Variants in TMEM132D observed in about 807,000 individuals in gnomAD.
TMEM132D encodes the protein mature OL transmembrane protein.
TMEM132D carries 21 observed loss-of-function variants against 62.3 expected under a neutral mutation model. The observed-to-expected ratio is 0.34, with a 90% CI of 0.24 to 0.49. TMEM132D has a LOEUF of 0.49. Ranked by LOEUF, TMEM132D falls within the 20% of genes least tolerant of loss-of-function variation. The pLI, the probability that TMEM132D is intolerant of heterozygous loss-of-function variation, is 0.99. For synonymous variants in TMEM132D, 621 were observed against 575.6 expected (o/e 1.08, Z -1.13); for missense variants, 1,346 against 1,402.8 (o/e 0.96, Z 0.65).
intron 5 of TMEM132D, among the ~76,000 whole-genome samples, chr12:129,205,659 A>C (rs1039377003): frequency 6.6e-6 from 1 of 152,138 alleles, no homozygotes; most frequent in Non-Finnish European, 1.5e-5. Context: ...CACTTCACCA[A>C]ATGAACCTCA....
At chr12:129,790,552 C>T (rs1161771600) in intron 1 of TMEM132D, among the ~76,000 whole-genome samples, 6 of 152,178 alleles carry the variant, frequency 3.9e-5, no homozygotes, top group Non-Finnish European at 8.8e-5. Context: ...TGCTTATCTC[C>T]GATGTCCAGC....
Position 129,796,549 on chromosome 12 carries a change from A to AC in TMEM132D, c.80-95852_80-95851insG, listed in dbSNP as rs551316218. On this transcript the variant is annotated intron_variant, in intron 1 of 8. Coordinates refer to ENST00000422113, the MANE Select transcript of TMEM132D (RefSeq NM_133448.3). ...AATCCATGGAATACTAGGCAGCCAC[A>AC]AAAAAAAGAAAGAGTTCATGTCCTT... 5.2e-4 allele frequency among the ~76,000 whole-genome samples: 79 copies of AC among 151,696 alleles called. 1 individual carries two copies. The South Asian group carries it at 0.016, about 31-fold the overall frequency.
At chr12:129,884,745 C>T (rs1478549416) in intron 1 of TMEM132D, among the ~76,000 whole-genome samples, 1 of 152,228 alleles carries the variant, frequency 6.6e-6, no homozygotes, top group South Asian at 2.1e-4. Context: ...TCTCATGTGA[C>T]CCCAGCAATG....
chr12:129,176,343 A>G (rs1877905709), intron 5 of TMEM132D, among the ~76,000 whole-genome samples: 1 of 152,236 alleles, frequency 6.6e-6, no homozygotes, highest in Non-Finnish European at 1.5e-5. Flanking sequence ...AAATTTACAT[A>G]CAGTGTGACT....
In TMEM132D at chr12:129,188,456, G is replaced by A. The variant is rs1878280073; in HGVS notation, c.1443+21064C>T. On this transcript the variant is annotated intron_variant, in intron 5 of 8. Transcript: ENST00000422113. ...TGCTCACTCTTTCAAGCCATCAGAG[G>A]TTGTGAGTTTTGTTATGTAGCATTA... Among the ~76,000 whole-genome samples the A allele has an allele frequency of 2.0e-5, 3 of 152,318 alleles. No individual in the cohort carries two copies. In the South Asian group the frequency reaches 6.2e-4, roughly 32 times the overall value.
At chr12:129,341,301 T>G (rs894044792) in intron 3 of TMEM132D, among the ~76,000 whole-genome samples, 2 of 152,260 alleles carry the variant, frequency 1.3e-5, no homozygotes, top group African/African-American at 4.8e-5. Flanking sequence ...GAAGGGAATC[T>G]GATGTATTGT....
intron 1 of TMEM132D, among the ~76,000 whole-genome samples, chr12:129,705,992 ATAACT>A (rs1443236951): frequency 6.6e-5 from 10 of 152,122 alleles, no homozygotes; most frequent in African/African-American, 2.2e-4. Context: ...TACTTTTCTG[ATAACT>A]TAAATTTTGG....
intron 5 of TMEM132D, among the ~76,000 whole-genome samples, chr12:129,109,187 C>G (rs1165536612): frequency 6.6e-6 from 1 of 152,174 alleles, no homozygotes; most frequent in Non-Finnish European, 1.5e-5. Flanking sequence ...GGAAGAGACC[C>G]CAGGCCCGAA....
chr12:129,505,620 A>G (rs1453895005), intron 3 of TMEM132D, among the ~76,000 whole-genome samples: 2 of 152,078 alleles, frequency 1.3e-5, no homozygotes, highest in Non-Finnish European at 2.9e-5. Context: ...TCAGTGGAGT[A>G]TTGAAGTCCC....
intron 5 of TMEM132D, among the ~76,000 whole-genome samples, chr12:129,090,952 C>T (rs1044705908): frequency 5.3e-5 from 8 of 152,070 alleles, no homozygotes; most frequent in Admixed American, 2.6e-4. Context: ...ATGTTTCTCT[C>T]GGGTCATGTC....
At chr12:129,573,905 G>T (rs1877586571) in intron 2 of TMEM132D, among the ~76,000 whole-genome samples, 1 of 151,548 alleles carries the variant, frequency 6.6e-6, no homozygotes, top group Non-Finnish European at 1.5e-5. Context: ...ACTCTAGGAT[G>T]GAAAAAAAAA....
intron 5 of TMEM132D, among the ~76,000 whole-genome samples, chr12:129,151,730 G>A (rs925373416): frequency 1.3e-5 from 2 of 152,132 alleles, no homozygotes; most frequent in African/African-American, 4.8e-5. Flanking sequence ...GAAGAGCAGA[G>A]GGCTTTCCAG....
chr12:129,844,898 A>ACC (rs1325712900), intron 1 of TMEM132D, among the ~76,000 whole-genome samples: 1 of 152,130 alleles, frequency 6.6e-6, no homozygotes, highest in African/African-American at 2.4e-5. Flanking sequence ...GGATAGAGTC[A>ACC]CCTATTCATG....
Position 129,165,683 on chromosome 12 carries a change from T to C in TMEM132D, c.1443+43837A>G, listed in dbSNP as rs1565983706. On this transcript the variant is annotated intron_variant, in intron 5 of 8. Coordinates refer to ENST00000422113, the MANE Select transcript of TMEM132D (RefSeq NM_133448.3). ...AGAGCAGTGTCAAACATTTCTTCTT[T>C]TTTTTTTTCCCCTACAAAAGAGATA... is the stretch of plus-strand genomic sequence containing the variant. Among the ~76,000 whole-genome samples the C allele has an allele frequency of 2.9e-5, 3 of 104,536 alleles. No individual in the cohort carries two copies. The South Asian group carries it at 8.6e-4, about 30-fold the overall frequency. 68.6% of individuals were successfully genotyped at this position (104,536 alleles called of 152,430 possible). A position where few individuals can be genotyped will look rare whatever the true frequency, so the allele number is the denominator to read the frequency against.
At position 129,130,015 on chromosome 12, in the gene TMEM132D, C is replaced by CTGTGTGTGTGTGTG. The variant is rs59282376; in HGVS notation, c.1444-45327_1444-45314dup. On this transcript the variant is annotated intron_variant, in intron 5 of 8. Transcript: ENST00000422113. ...CAAGCTCAAAAATCAAAGCTCTGCTCTGTGTGTGTGTGTGTGTGTGTGTGT... is the reference window on the plus strand; with the variant it reads ...CAAGCTCAAAAATCAAAGCTCTGCTCTGTGTGTGTGTGTGTGTGTGTGTGTGTGTGTGTGTGTGT... Among the ~76,000 whole-genome samples, 354 of 141,950 alleles carry CTGTGTGTGTGTGTG rather than the reference C, an allele frequency of 2.5e-3. 2 individuals carry two copies. Among genetic ancestry groups the CTGTGTGTGTGTGTG allele is most frequent in the African/African-American group, 3.3e-3 (125 of 38,044 alleles). The allele number at this position is 141,950 out of a possible 152,430, so 93.1% of individuals were successfully genotyped here. A position where few individuals can be genotyped will look rare whatever the true frequency, so the allele number is the denominator to read the frequency against.
At chr12:129,322,280 T>C (rs1389052190) in intron 4 of TMEM132D, among the ~76,000 whole-genome samples, 1 of 152,190 alleles carries the variant, frequency 6.6e-6, no homozygotes, top group Non-Finnish European at 1.5e-5. Flanking sequence ...TAAATCCTGG[T>C]GATGTAAAAG....
At chr12:129,737,140 C>G (rs533108506) in intron 1 of TMEM132D, among the ~76,000 whole-genome samples, 1 of 152,170 alleles carries the variant, frequency 6.6e-6, no homozygotes, top group Admixed American at 6.5e-5. Context: ...TAACCTAGCA[C>G]TACTGGCATC....
chr12:129,161,793 C>G (rs1429073269), intron 5 of TMEM132D, among the ~76,000 whole-genome samples: 1 of 152,136 alleles, frequency 6.6e-6, no homozygotes, highest in Admixed American at 6.5e-5. Context: ...GCACCTATGT[C>G]CTGAGAGTGG....
intron 3 of TMEM132D, among the ~76,000 whole-genome samples, chr12:129,380,065 T>C (rs894459185): frequency 5.9e-5 from 9 of 152,182 alleles, no homozygotes; most frequent in African/African-American, 1.7e-4. Flanking sequence ...AAACATGGTG[T>C]CATAGTTGAA....
Sources: gnomAD v4.1 joint callset for allele counts (sites outside exome capture counted in the v4.1 genomes callset) on GRCh38, gnomAD v4.1.1 for gene constraint, MANE v1.5 for transcripts, NCBI Gene and HGNC (gene_info 2026-07-23, HGNC 2026-07-21) for gene names.